The following WDR25 variants were observed in gnomAD, a reference collection of about 807,000 sequenced individuals.
WDR25 encodes the protein WD repeat-containing protein 25.
Under a neutral mutation model 47.7 loss-of-function variants are expected in WDR25, and 35 were observed. That is an observed-to-expected ratio of 0.73 (90% confidence interval 0.56 to 0.97). The LOEUF is 0.97. Among genes scored for constraint, WDR25 ranks in the 50% least tolerant of loss-of-function variants. The pLI, the probability that WDR25 is intolerant of heterozygous loss-of-function variation, is 0.00. For missense variants in WDR25, 634 were observed against 704.7 expected (o/e 0.90, Z 1.14); for synonymous variants, 248 against 278.9 (o/e 0.89, Z 1.10).
rs949269330 is a variant in WDR25, at chr14:100,498,464, C to T, written c.1101+14340C>T. Among the ~76,000 whole-genome samples the T allele has an allele frequency of 6.6e-6, 1 of 152,112 alleles. No individual in the cohort carries two copies. The highest frequency in any genetic ancestry group is 1.5e-5 in the Non-Finnish European group (1 of 68,000). On this transcript the variant is annotated intron_variant, in intron 4 of 6. Transcript: ENST00000402312. The surrounding 1 kb of genome is among the most constrained non-coding windows in gnomAD (Gnocchi z 4.2). ...ATTTTTTCTTTTTTTTCAAAAAGGT[C>T]GGTTTTCTGGCTCACCTCACTCATT...
chr14:100,470,262 G>C (rs1242453389), intron 3 of WDR25, among the ~76,000 whole-genome samples: 1 of 152,142 alleles, frequency 6.6e-6, no homozygotes, highest in African/African-American at 2.4e-5. Context: ...GTAATATGGG[G>C]TGCAGGGGCT....
At chr14:100,391,064 C>A (rs1221264595) in intron 2 of WDR25, among the ~76,000 whole-genome samples, 1 of 152,044 alleles carries the variant, frequency 6.6e-6, no homozygotes, top group Non-Finnish European at 1.5e-5. Flanking sequence ...CATATTTTAC[C>A]CTCTTCCCCC....
At chr14:100,411,194 C>G (rs183168982) in intron 2 of WDR25, among the ~76,000 whole-genome samples, 1 of 152,274 alleles carries the variant, frequency 6.6e-6, no homozygotes, top group East Asian at 1.9e-4. Flanking sequence ...TTCCTGAAGG[C>G]CATGTTGCTT....
intron 4 of WDR25, among the ~76,000 whole-genome samples, chr14:100,486,487 T>G (rs1900387350): frequency 1.3e-5 from 2 of 152,342 alleles, no homozygotes; most frequent in Non-Finnish European, 2.9e-5. Context: ...CCTCCCCCAC[T>G]GGGTCACGGG....
intron 2 of WDR25, among the ~76,000 whole-genome samples, chr14:100,436,341 C>CTTAG (rs1898499677): frequency 6.6e-6 from 1 of 152,186 alleles, no homozygotes; most frequent in South Asian, 2.1e-4. Flanking sequence ...GCTTGTCATA[C>CTTAG]TTAGACTTTG....
chr14:100,445,590 C>T lies in WDR25; in HGVS notation c.823-22431C>T, dbSNP rs563977425. Among the ~76,000 whole-genome samples the T allele has an allele frequency of 5.3e-5, 8 of 152,276 alleles. No individual in the cohort carries two copies. The East Asian group carries it at 9.6e-4, about 18-fold the overall frequency. On this transcript the variant is annotated intron_variant, in intron 2 of 6. Transcript: ENST00000402312. ...TGCTGCAGCCATGTGACTCAGGGGC[C>T]TGAGAGGTGAATCAAAGCCTCCTTG...
chr14:100,476,760 C>T (rs1373331124), intron 3 of WDR25, among the ~76,000 whole-genome samples: 1 of 152,200 alleles, frequency 6.6e-6, no homozygotes, highest in Admixed American at 6.5e-5. Context: ...AAGCTCCAGA[C>T]AGGCCTGGAG....
chr14:100,509,600 A>G (rs1216537975), intron 4 of WDR25, among the ~76,000 whole-genome samples: 1 of 152,230 alleles, frequency 6.6e-6, no homozygotes, highest in East Asian at 1.9e-4. Context: ...GACATACAAT[A>G]AGCTGCACAT....
rs562602491 is a variant in WDR25, at chr14:100,461,217, G to GAAAGA, written c.823-6785_823-6781dup. On this transcript the variant is annotated intron_variant, in intron 2 of 6. Transcript: ENST00000402312. ...GGTAACAGAGCGAGACCCTGACTTGGAAAGAAAAGAAAAGAAAAGAAAATT... is the reference window on the plus strand; with the variant it reads ...GGTAACAGAGCGAGACCCTGACTTGGAAAGAAAAGAAAAGAAAAGAAAAGAAAATT... 1.4e-4 allele frequency among the ~76,000 whole-genome samples: 21 copies of GAAAGA among 151,976 alleles called. 1 individual carries two copies. In the South Asian group the frequency reaches 2.7e-3, roughly 20 times the overall value.
In WDR25 at chr14:100,529,607, G is replaced by T; in HGVS notation, c.1414-213G>T. ...CCTCAGCTGGGCTGGAGCTGGTCCC[G>T]CTGGATCTGCTGAACTGGCCTTGGG... On this transcript the variant is annotated intron_variant, in intron 6 of 6. Transcript: ENST00000402312. The surrounding 1 kb of genome is among the most constrained non-coding windows in gnomAD (Gnocchi z 5.1). The T allele has an allele frequency of 4.8e-6, 3 of 619,406 alleles. No individual in the cohort carries two copies. In the South Asian group the frequency reaches 5.9e-5, roughly 12 times the overall value. The allele number at this position is 619,406 out of a possible 1,614,324, so 38.4% of individuals were successfully genotyped here.
intron 2 of WDR25, among the ~76,000 whole-genome samples, chr14:100,386,894 GA>G (rs57847988): frequency 6.6e-6 from 1 of 150,620 alleles, no homozygotes; most frequent in Non-Finnish European, 1.5e-5. Flanking sequence ...CTCCATCTCA[GA>G]AAAAAAAAGA....
At chr14:100,467,957 C>T (rs150647230) in intron 2 of WDR25, 64 bp from the exon 3 acceptor site, 152 of 1,599,996 alleles carry the variant, frequency 9.5e-5, no homozygotes, top group Non-Finnish European at 1.1e-4. Context: ...ACAGTGGGGT[C>T]GAGCTGAGCC....
At position 100,468,978 on chromosome 14, in the gene WDR25, C is replaced by T. The variant is rs779054250; in HGVS notation, c.970+810C>T. ...TTTTTAAAAATGTTTTATCCCCCTCCATGAGCAGGATCCAGCTTCTTTCAG... is the reference window on the plus strand; with the variant it reads ...TTTTTAAAAATGTTTTATCCCCCTCTATGAGCAGGATCCAGCTTCTTTCAG... On this transcript the variant is annotated intron_variant, in intron 3 of 6. Transcript: ENST00000402312. The surrounding 1 kb of genome is among the most constrained non-coding windows in gnomAD (Gnocchi z 4.5). Among the ~76,000 whole-genome samples, 2 of 152,002 alleles carry T rather than the reference C, an allele frequency of 1.3e-5. No homozygotes were observed. Among genetic ancestry groups the T allele is most frequent in the Non-Finnish European group, 2.9e-5 (2 of 68,020 alleles).
Position 100,530,064 on chromosome 14 carries a change from C to T in WDR25, c.*23C>T, listed in dbSNP as rs545770170. On this transcript the variant is annotated 3_prime_UTR_variant, in exon 7 of 7. Transcript: ENST00000402312. ...TGAGCTTTTTGTCACTGAACCTTCC[C>T]GATGCCAGCTGGGCTCTTGGACTCC... 8.2e-6 allele frequency: 13 copies of T among 1,594,274 alleles called. No homozygotes were observed. Among genetic ancestry groups the T allele is most frequent in the Middle Eastern group, 1.7e-4 (1 of 5,986 alleles).
chr14:100,521,505 C>T lies in WDR25; in HGVS notation c.1102-4365C>T, dbSNP rs147015372. 4.9e-3 allele frequency among the ~76,000 whole-genome samples: 740 copies of T among 152,288 alleles called. 5 individuals carry two copies. Among genetic ancestry groups the T allele is most frequent in the Middle Eastern group, 0.027 (8 of 294 alleles). ...CACACACATGTTCACGTCCCCTCTT[C>T]TTTACACAGTTTTTTCTCCCACTTT... On this transcript the variant is annotated intron_variant, in intron 4 of 6. Coordinates refer to ENST00000402312, the MANE Select transcript of WDR25 (RefSeq NM_001161476.3).
rs562932847 is a variant in WDR25 at position 100,418,566 on chromosome 14, G to A, written c.822+36820G>A. Among the ~76,000 whole-genome samples the A allele has an allele frequency of 3.3e-5, 5 of 151,922 alleles. No homozygotes were observed. In the South Asian group the frequency reaches 1.0e-3, roughly 32 times the overall value. On this transcript the variant is annotated intron_variant, in intron 2 of 6. Coordinates refer to ENST00000402312, the MANE Select transcript of WDR25 (RefSeq NM_001161476.3). The stretch of plus-strand genomic sequence containing the variant: ...GCAGGAGAATTGCTTGAACCCGGGA[G>A]GTAGAGGTTGCAGTGAGCCAAGATT...
intron 2 of WDR25, among the ~76,000 whole-genome samples, chr14:100,411,577 C>A (rs139499743): frequency 0.037 from 5,649 of 151,086 alleles, 285 homozygotes; most frequent in African/African-American, 0.12. Flanking sequence ...TGCTCTGTCA[C>A]CCAGGCTGGA....
intron 3 of WDR25, among the ~76,000 whole-genome samples, chr14:100,475,314 G>C (rs1899981258): frequency 6.6e-6 from 1 of 152,180 alleles, no homozygotes; most frequent in South Asian, 2.1e-4. Context: ...TGTGTGGAAG[G>C]GATCTCTGCA....
At chr14:100,470,250 A>T (rs537626954) in intron 3 of WDR25, among the ~76,000 whole-genome samples, 39 of 152,078 alleles carry the variant, frequency 2.6e-4, no homozygotes, top group Non-Finnish European at 4.6e-4. Context: ...CCAAAGCAGG[A>T]TGTAATATGG....
Sources: allele counts gnomAD v4.1 joint callset (sites outside exome capture counted in the v4.1 genomes callset), GRCh38; gene constraint gnomAD v4.1.1; non-coding constraint Gnocchi (gnomAD v3.1); transcripts MANE v1.5; gene names NCBI Gene and HGNC (gene_info 2026-07-23, HGNC 2026-07-21).